The following BAHCC1 variants were observed in gnomAD, a reference collection of about 807,000 sequenced individuals.
BAHCC1 encodes the protein BAH domain and coiled-coil containing 1.
BAHCC1 carries 43 observed loss-of-function variants against 88.2 expected under a neutral mutation model. That is an observed-to-expected ratio of 0.49 (90% CI 0.38 to 0.63). The LOEUF (loss-of-function observed/expected upper bound fraction) is 0.63, where lower values mean the gene tolerates loss of function less well. Ranked by LOEUF, BAHCC1 falls within the 20% of genes least tolerant of loss-of-function variation. BAHCC1 has a pLI of 0.00. For missense variants in BAHCC1, 3,023 were observed against 1,654.8 expected, an observed-to-expected ratio of 1.83 and a Z score of -14.34; for synonymous variants, 1,510 against 745.5, an observed-to-expected ratio of 2.03 and a Z score of -16.71.
At chr17:81,430,353 T>G (rs917805563) in intron 3 of BAHCC1, among the ~76,000 whole-genome samples, 14 of 152,112 alleles carry the variant, frequency 9.2e-5, no homozygotes, top group Admixed American at 2.0e-4. Context: ...TGGTCTCTTG[T>G]GCCACCTGGG....
intron 2 of BAHCC1, among the ~76,000 whole-genome samples, chr17:81,423,701 C>T (rs964520257): frequency 3.9e-5 from 6 of 152,218 alleles, no homozygotes; most frequent in East Asian, 1.9e-4. Flanking sequence ...GCAGGGCCAC[C>T]GTGTGCAGAA....
In BAHCC1 at chr17:81,445,464, A is replaced by G. The variant is rs1555654072; in HGVS notation, c.2946A>G (p.Ser982=). ...CCCCCACGGCCCCGGGCGCCCCCTC[A>G]CCCGCTGCAGGCCCCACCAAGCTGC... The part of the protein sequence containing the change: ...ALTPTAPGAP[S]PAAGPTKLPP... Residue 982 remains serine (S), a synonymous_variant, in exon 10 of 28, where the codon TCA becomes TCG. Coordinates refer to ENST00000675386, the MANE Select transcript of BAHCC1 (RefSeq NM_001377448.1). 1.3e-6 allele frequency: 1 copy of G among 751,700 alleles called. No individual in the cohort carries two copies. The highest frequency in any genetic ancestry group is 2.5e-6 in the Non-Finnish European group (1 of 406,748). The allele number at this position is 751,700 out of a possible 1,614,324, so 46.6% of individuals were successfully genotyped here. A position where few individuals can be genotyped will look rare whatever the true frequency, so the allele number is the denominator to read the frequency against.
rs1555654648 is a variant in BAHCC1 at position 81,447,157 on chromosome 17, T to C, written c.3285T>C (p.Pro1095=). 1 of 777,784 alleles carries C rather than the reference T, an allele frequency of 1.3e-6. No homozygotes were observed. The highest frequency in any genetic ancestry group is 1.3e-5 in the South Asian group (1 of 74,506). The allele number at this position is 777,784 out of a possible 1,614,324, so 48.2% of individuals were successfully genotyped here. The change falls in exon 11 of 28, where the codon CCT becomes CCC. Residue 1095 remains proline, a synonymous_variant. Transcript: ENST00000675386. The part of the protein sequence containing the change: ...TMQTTAPGAQ[P]EPTRTFLPGE... ...AAACCACCGCCCCGGGGGCCCAGCCTGAGCCCACAAGGACATTCCTGCCTG... is the reference window on the plus strand; with the variant it reads ...AAACCACCGCCCCGGGGGCCCAGCCCGAGCCCACAAGGACATTCCTGCCTG...
Position 81,442,467 on chromosome 17 carries a change from C to T in BAHCC1, c.1118C>T (p.Pro373Leu), listed in dbSNP as rs1555652832. ...CCCTGCCTGCAGCTGCACGGGGGCCCTGACGGGCTCTGCCCGCTGCAGGAC... is the reference window on the plus strand; with the variant it reads ...CCCTGCCTGCAGCTGCACGGGGGCCTTGACGGGCTCTGCCCGCTGCAGGAC... ...SFPCLQLHGG[P>L]DGLCPLQDKA... The change falls in exon 5 of 28, where the codon CCT (proline) becomes CTT (leucine). Residue 373 changes from proline to leucine, a missense_variant. Physicochemically the swap from Pro to Leu is moderately conservative, Grantham distance 98. Transcript: ENST00000675386. The T allele has an allele frequency of 2.8e-6, 2 of 718,250 alleles. No individual in the cohort carries two copies. The highest frequency in any genetic ancestry group is 1.5e-5 in the South Asian group (1 of 67,266). The allele number at this position is 718,250 out of a possible 1,614,324, so 44.5% of individuals were successfully genotyped here.
chr17:81,397,733 C>G (rs1006340878), intron 1 of BAHCC1, among the ~76,000 whole-genome samples: 9 of 152,188 alleles, frequency 5.9e-5, no homozygotes, highest in Non-Finnish European at 1.2e-4. Flanking sequence ...AGGCCGGGAT[C>G]GGGGCTTGGG....
At position 81,445,584 on chromosome 17, in the gene BAHCC1, T is replaced by C. The variant is rs2064510558; in HGVS notation, c.3066T>C (p.Pro1022=). 2 of 725,360 alleles carry C rather than the reference T, an allele frequency of 2.8e-6. No homozygotes were observed. Among genetic ancestry groups the C allele is most frequent in the East Asian group, 2.6e-5 (1 of 37,830 alleles). The allele number at this position is 725,360 out of a possible 1,614,324, so 44.9% of individuals were successfully genotyped here. ...CCCCGTGCACTTTAAATGTCTGCCC[T>C]GCCAGCAGCCCCGGGCCTGGCTCCC... ...PSAPCTLNVC[P]ASSPGPGSRV... The change falls in exon 10 of 28, where the codon CCT becomes CCC. Residue 1022 remains proline (P), a synonymous_variant. Transcript: ENST00000675386.
intron 15 of BAHCC1, 63 bp downstream of exon 15, chr17:81,455,453 C>A: frequency 1.4e-6 from 1 of 695,484 alleles, no homozygotes; most frequent in Non-Finnish European, 2.7e-6. Flanking sequence ...CCCTTCCTGG[C>A]AGGTAGCAGA....
At chr17:81,410,556 G>A (rs1032005013) in intron 2 of BAHCC1, among the ~76,000 whole-genome samples, 9 of 152,194 alleles carry the variant, frequency 5.9e-5, no homozygotes, top group African/African-American at 1.9e-4. Flanking sequence ...ACTGGGATGG[G>A]CAGATGTGGA....
intron 2 of BAHCC1, among the ~76,000 whole-genome samples, chr17:81,400,472 A>C (rs944426788): frequency 6.6e-6 from 1 of 152,234 alleles, no homozygotes; most frequent in South Asian, 2.1e-4. Flanking sequence ...ATGGGTTTGC[A>C]GGGATGCATT....
intron 1 of BAHCC1, chr17:81,395,971 A>C (rs2063742477): frequency 6.6e-6 from 1 of 152,238 alleles, no homozygotes; most frequent in Non-Finnish European, 1.5e-5. Flanking sequence ...AAGACAGGAC[A>C]GGGACCGCCA....
intron 1 of BAHCC1, among the ~76,000 whole-genome samples, chr17:81,397,902 T>C (rs1219226117): frequency 6.6e-6 from 1 of 152,242 alleles, no homozygotes; most frequent in Non-Finnish European, 1.5e-5. Context: ...TAAAAAAGCT[T>C]ATCAGCTGAG....
In BAHCC1 at chr17:81,404,228, G is replaced by A. The variant is rs183205673; in HGVS notation, c.178+4311G>A. Among the ~76,000 whole-genome samples, 107 of 152,292 alleles carry A rather than the reference G, an allele frequency of 7.0e-4. 1 individual carries two copies. The highest frequency in any genetic ancestry group is 2.6e-3 in the African/African-American group (106 of 41,552). On this transcript the variant is annotated intron_variant, in intron 2 of 27. Coordinates refer to ENST00000675386, the MANE Select transcript of BAHCC1 (RefSeq NM_001377448.1). ...AAAAAGCCAAATCCAACAACAGAAC[G>A]AGCTAAAAATATTCCAGGCTTTGGC...
chr17:81,432,547 A>AGGCACACCCTCCCTCCCATCGCCG (rs2064273192), intron 3 of BAHCC1, among the ~76,000 whole-genome samples: 1 of 33,282 alleles, frequency 3.0e-5, no homozygotes, highest in Non-Finnish European at 5.7e-5. Flanking sequence ...ACCCATCACC[A>AGGCACACCCTCCCTCCCATCGCCG]GGCCCACCCT....
intron 19 of BAHCC1, 43 bp downstream of exon 19, chr17:81,458,768 C>T (rs1555658254): frequency 5.3e-6 from 4 of 751,894 alleles, no homozygotes; most frequent in Middle Eastern, 2.3e-4. Flanking sequence ...CACCCACCTG[C>T]ACCCCGCCTG....
In BAHCC1 at chr17:81,444,940, A is replaced by G; in HGVS notation, c.2672-75A>G. On this transcript the variant is annotated intron_variant, in intron 8 of 27. Coordinates refer to ENST00000675386, the MANE Select transcript of BAHCC1 (RefSeq NM_001377448.1). The stretch of plus-strand genomic sequence containing the variant: ...GAGCGGTGGGCTTGGTGGGCTGAGG[A>G]AAGGGTGGCGGGGAAGCAGCCCCGG... 4.4e-6 allele frequency: 3 copies of G among 684,400 alleles called. No individual in the cohort carries two copies. In the South Asian group the frequency reaches 4.7e-5, roughly 11 times the overall value. The allele number at this position is 684,400 out of a possible 1,614,324, so 42.4% of individuals were successfully genotyped here. A position where few individuals can be genotyped will look rare whatever the true frequency, so the allele number is the denominator to read the frequency against.
chr17:81,430,625 A>C (rs931302102), intron 3 of BAHCC1, among the ~76,000 whole-genome samples: 4 of 152,202 alleles, frequency 2.6e-5, no homozygotes, highest in African/African-American at 7.2e-5. Flanking sequence ...AGCTGGGACC[A>C]CATCTGTTTA....
intron 2 of BAHCC1, among the ~76,000 whole-genome samples, chr17:81,419,919 G>A (rs550590680): frequency 4.0e-5 from 6 of 151,766 alleles, no homozygotes; most frequent in Admixed American, 2.6e-4. Context: ...CCCGGCTCCC[G>A]GGCCCTGCCG....
At chr17:81,454,735 C>T (rs1378400509) in intron 14 of BAHCC1, among the ~76,000 whole-genome samples, 1 of 152,210 alleles carries the variant, frequency 6.6e-6, no homozygotes, top group African/African-American at 2.4e-5. Context: ...AAGCCCTGCC[C>T]CAGACTCAGA....
Position 81,447,681 on chromosome 17 carries a change from TG to T in BAHCC1, c.3814del (p.Asp1272ThrfsTer61). Reference protein sequence around the residue: ...LDALVAATINLGDLPSDSPPD... With the variant: ...LDALVAATINXGDLPSDSPPD... ...GCCTTGGTGGCCGCCACCATCAACC[TG>T]GGGGACCTGCCCAGCGACAGCCCAC... On this transcript the variant is annotated frameshift_variant, in exon 11 of 28. Coordinates refer to ENST00000675386, the MANE Select transcript of BAHCC1 (RefSeq NM_001377448.1). LOFTEE classifies it high-confidence loss of function. 2 of 738,506 alleles carry T rather than the reference TG, an allele frequency of 2.7e-6. No homozygotes were observed. Among genetic ancestry groups the T allele is most frequent in the Non-Finnish European group, 2.5e-6 (1 of 397,680 alleles). The allele number at this position is 738,506 out of a possible 1,614,324, so 45.7% of individuals were successfully genotyped here. A position where few individuals can be genotyped will look rare whatever the true frequency, so the allele number is the denominator to read the frequency against.
Sources: gnomAD v4.1 joint callset for allele counts (sites outside exome capture counted in the v4.1 genomes callset) on GRCh38, gnomAD v4.1.1 for gene constraint, MANE v1.5 for transcripts, NCBI Gene and HGNC (gene_info 2026-07-23, HGNC 2026-07-21) for gene names.